OLFM2: variants seen among roughly 807,000 people sequenced by gnomAD.
OLFM2 encodes the protein olfactomedin 2.
Under a neutral mutation model 43.9 loss-of-function variants are expected in OLFM2, and 20 were observed. That is an observed-to-expected ratio of 0.46 (90% CI 0.32 to 0.66). OLFM2 has a LOEUF of 0.66. Ranked by LOEUF, OLFM2 falls within the 30% of genes least tolerant of loss-of-function variation. OLFM2 has a pLI of 0.04. For missense variants in OLFM2, 416 were observed against 643.6 expected, an observed-to-expected ratio of 0.65 and a Z score of 3.83; for synonymous variants, 268 against 278.6, an observed-to-expected ratio of 0.96 and a Z score of 0.38.
chr19:9,914,660 C>T (rs1422859288), intron 1 of OLFM2, among the ~76,000 whole-genome samples: 5 of 152,008 alleles, frequency 3.3e-5, no homozygotes, highest in African/African-American at 1.2e-4. Flanking sequence ...CTCGCGGCCC[C>T]GGGGACCCCG....
At chr19:9,867,388 A>C (rs952358902) in intron 1 of OLFM2, among the ~76,000 whole-genome samples, 1 of 152,028 alleles carries the variant, frequency 6.6e-6, no homozygotes, top group African/African-American at 2.4e-5. Context: ...CAACAATAAC[A>C]ACAACAAAAA....
chr19:9,880,357 C>T (rs1369669359), intron 1 of OLFM2, among the ~76,000 whole-genome samples: 4 of 152,156 alleles, frequency 2.6e-5, no homozygotes, highest in African/African-American at 4.8e-5. Flanking sequence ...GTCCAGGAGA[C>T]GCGCAGACAT....
intron 1 of OLFM2, among the ~76,000 whole-genome samples, chr19:9,921,788 A>G (rs565141429): frequency 6.6e-6 from 1 of 152,218 alleles, no homozygotes; most frequent in African/African-American, 2.4e-5. Flanking sequence ...CCCAGCCTGA[A>G]CTACATTAAA....
chr19:9,862,348 G>A (rs2046370616), intron 1 of OLFM2, among the ~76,000 whole-genome samples: 1 of 151,900 alleles, frequency 6.6e-6, no homozygotes. Flanking sequence ...AGAAGGCAGG[G>A]GACATTTCTA....
chr19:9,925,678 AC>A (rs2086448074), intron 1 of OLFM2, among the ~76,000 whole-genome samples: 1 of 150,354 alleles, frequency 6.7e-6, no homozygotes, highest in Non-Finnish European at 1.5e-5. Flanking sequence ...CAAGCAATCC[AC>A]CCACCTCAGC....
intron 1 of OLFM2, among the ~76,000 whole-genome samples, chr19:9,929,179 C>T (rs1039261692): frequency 7.2e-5 from 11 of 152,164 alleles, no homozygotes; most frequent in Non-Finnish European, 2.9e-5. Context: ...CCAACACAGC[C>T]AGACTCAACT....
At chr19:9,903,158 C>T (rs980338174) in intron 1 of OLFM2, among the ~76,000 whole-genome samples, 9 of 152,152 alleles carry the variant, frequency 5.9e-5, no homozygotes, top group South Asian at 2.1e-4. Flanking sequence ...CCTCTCAAAG[C>T]GCTGAGATAA....
intron 1 of OLFM2, chr19:9,913,642 G>A (rs1176101747): frequency 8.0e-7 from 1 of 1,250,218 alleles, no homozygotes; most frequent in Non-Finnish European, 1.0e-6. Context: ...ATGCCCCGCG[G>A]CCGCCCGCCG....
At chr19:9,876,393 G>A (rs891923233) in intron 1 of OLFM2, among the ~76,000 whole-genome samples, 15 of 152,166 alleles carry the variant, frequency 9.9e-5, no homozygotes, top group Admixed American at 2.6e-4. Flanking sequence ...GGCAGCGGCT[G>A]GAGGGAGGCC....
At chr19:9,906,455 T>C (rs1220362683) in intron 1 of OLFM2, among the ~76,000 whole-genome samples, 1 of 151,994 alleles carries the variant, frequency 6.6e-6, no homozygotes, top group African/African-American at 2.4e-5. Context: ...ATCGCAGAAA[T>C]GACAAGACAA....
chr19:9,921,698 G>C (rs967448975), intron 1 of OLFM2, among the ~76,000 whole-genome samples: 4 of 151,666 alleles, frequency 2.6e-5, no homozygotes, highest in African/African-American at 9.7e-5. Context: ...TATTAGCCAG[G>C]ACGGTCTTGA....
chr19:9,885,206 T>G (rs1482164958), intron 1 of OLFM2, among the ~76,000 whole-genome samples: 1 of 152,212 alleles, frequency 6.6e-6, no homozygotes, highest in Non-Finnish European at 1.5e-5. Flanking sequence ...GCCTTACTGT[T>G]GAGTGAGTGA....
At chr19:9,859,170 TAA>T (rs1314040654) in intron 2 of OLFM2, among the ~76,000 whole-genome samples, 1 of 152,246 alleles carries the variant, frequency 6.6e-6, no homozygotes, top group East Asian at 1.9e-4. Flanking sequence ...CTCAGCAGCC[TAA>T]TACCCACCCT....
intron 1 of OLFM2, among the ~76,000 whole-genome samples, chr19:9,873,450 G>A (rs1264315639): frequency 1.3e-5 from 2 of 151,946 alleles, no homozygotes; most frequent in Non-Finnish European, 2.9e-5. Flanking sequence ...CATCACACCT[G>A]GCCAACATTT....
chr19:9,899,619 C>T (rs1208455332), intron 1 of OLFM2, among the ~76,000 whole-genome samples: 1 of 152,084 alleles, frequency 6.6e-6, no homozygotes, highest in Non-Finnish European at 1.5e-5. Flanking sequence ...GTGGTGTAAC[C>T]ATGGCTCACT....
At chr19:9,925,840 G>A (rs1324277179) in intron 1 of OLFM2, among the ~76,000 whole-genome samples, 5 of 150,740 alleles carry the variant, frequency 3.3e-5, no homozygotes, top group Non-Finnish European at 7.4e-5. Context: ...AAGCCCAAAG[G>A]TGAAAACAAC....
chr19:9,892,366 C>T (rs2046647313), intron 1 of OLFM2, among the ~76,000 whole-genome samples: 1 of 152,152 alleles, frequency 6.6e-6, no homozygotes, highest in Admixed American at 6.5e-5. Flanking sequence ...GCTGTTGGCT[C>T]ATGGGCCTGA....
chr19:9,919,115 T>C (rs908206715), intron 1 of OLFM2, among the ~76,000 whole-genome samples: 4 of 152,138 alleles, frequency 2.6e-5, no homozygotes, highest in African/African-American at 4.8e-5. Flanking sequence ...AGCGGGAGAA[T>C]TGCTTGAAGC....
chr19:9,868,927 C>A (rs900366000), intron 1 of OLFM2, among the ~76,000 whole-genome samples: 8 of 150,788 alleles, frequency 5.3e-5, no homozygotes, highest in African/African-American at 1.7e-4. Context: ...CAAAGTGAGA[C>A]CCTATCTCAA....
Sources: gnomAD v4.1 joint callset for allele counts (sites outside exome capture counted in the v4.1 genomes callset) on GRCh38, gnomAD v4.1.1 for gene constraint, MANE v1.5 for transcripts, NCBI Gene and HGNC (gene_info 2026-07-23, HGNC 2026-07-21) for gene names.